The following MDGA2 variants were observed in gnomAD, a reference collection of about 807,000 sequenced individuals.
MDGA2 encodes the protein MAM domain containing glycosylphosphatidylinositol anchor 2.
In MDGA2, 40 loss-of-function variants were observed where a neutral mutation model predicts 117.8. The ratio of observed to expected loss-of-function variants is 0.34; its 90% CI spans 0.26 to 0.44. MDGA2 has a LOEUF of 0.44. MDGA2 is among the 20% of genes least tolerant of loss of function. The pLI is 1.00. For synonymous variants in MDGA2, 452 were observed against 439.0 expected, an observed-to-expected ratio of 1.03 and a Z score of -0.37; for missense variants, 1,123 against 1,250.6, an observed-to-expected ratio of 0.90 and a Z score of 1.54.
intron 5 of MDGA2, among the ~76,000 whole-genome samples, chr14:47,116,030 A>C (rs1566633301): frequency 6.6e-6 from 1 of 152,022 alleles, no homozygotes; most frequent in Admixed American, 6.6e-5. Flanking sequence ...ATTTATAGTA[A>C]GCCCTAAAAA....
intron 1 of MDGA2, among the ~76,000 whole-genome samples, chr14:47,572,407 T>C (rs946973107): frequency 6.6e-5 from 10 of 152,240 alleles, no homozygotes; most frequent in African/African-American, 2.2e-4. Flanking sequence ...TTTGGGATCA[T>C]GTTATTAATT....
At chr14:47,631,921 T>C (rs1159794512) in intron 1 of MDGA2, among the ~76,000 whole-genome samples, 1 of 142,116 alleles carries the variant, frequency 7.0e-6, no homozygotes, top group Non-Finnish European at 1.6e-5. Flanking sequence ...CATTACGAGA[T>C]TTTTTTAAGT....
chr14:47,086,408 G>C (rs1410640933), intron 6 of MDGA2, among the ~76,000 whole-genome samples: 2 of 152,038 alleles, frequency 1.3e-5, no homozygotes, highest in Non-Finnish European at 1.5e-5. Context: ...GGAGGAATTT[G>C]AACAGAATTC....
intron 2 of MDGA2, among the ~76,000 whole-genome samples, chr14:47,220,217 G>A (rs1326137958): frequency 1.3e-5 from 2 of 152,086 alleles, no homozygotes; most frequent in African/African-American, 2.4e-5. Context: ...CAAGTCACAT[G>A]CCTAACTGAT....
intron 8 of MDGA2, among the ~76,000 whole-genome samples, chr14:46,990,050 G>C (rs561231553): frequency 6.6e-6 from 1 of 152,072 alleles, no homozygotes. Context: ...ATGTTCCTAA[G>C]AGTTCATAGG....
At chr14:46,911,052 T>G (rs1343717362) in intron 10 of MDGA2, among the ~76,000 whole-genome samples, 1 of 152,094 alleles carries the variant, frequency 6.6e-6, no homozygotes, top group Non-Finnish European at 1.5e-5. Context: ...GGTACTAGGA[T>G]TAATACCTGG....
intron 10 of MDGA2, among the ~76,000 whole-genome samples, chr14:46,890,911 A>T (rs1882856171): frequency 6.6e-6 from 1 of 152,120 alleles, no homozygotes; most frequent in Non-Finnish European, 1.5e-5. Context: ...GGGTGTTATG[A>T]TAAAGTTAAA....
At chr14:46,866,667 T>C (rs1378451467) in intron 14 of MDGA2, among the ~76,000 whole-genome samples, 4 of 150,422 alleles carry the variant, frequency 2.7e-5, no homozygotes, top group Non-Finnish European at 5.9e-5. Flanking sequence ...ATATCCAGAA[T>C]CTACAATGAA....
rs903385230 is a variant in MDGA2, at chr14:47,386,138, C to T, written c.281-84588G>A. On this transcript the variant is annotated intron_variant, in intron 1 of 16. Coordinates refer to ENST00000399232, the MANE Select transcript of MDGA2 (RefSeq NM_001113498.3). ...CTCTACTAGAAATACAAAAATTAGC[C>T]GGGCATGGTGGGGGGCACCTGTAAT... Among the ~76,000 whole-genome samples, 9 of 151,908 alleles carry T rather than the reference C, an allele frequency of 5.9e-5. No homozygotes were observed. In the Middle Eastern group the frequency reaches 0.01, roughly 172 times the overall value.
chr14:47,572,820 A>G (rs887554529), intron 1 of MDGA2, among the ~76,000 whole-genome samples: 1 of 152,240 alleles, frequency 6.6e-6, no homozygotes, highest in Non-Finnish European at 1.5e-5. Context: ...TTCTGGCCTC[A>G]GCAGCACAAT....
chr14:47,258,812 A>T (rs1271289639), intron 2 of MDGA2, among the ~76,000 whole-genome samples: 3 of 150,400 alleles, frequency 2.0e-5, no homozygotes, highest in Non-Finnish European at 4.4e-5. Context: ...TATGCTGCTT[A>T]TTTTTTTTTC....
rs748391283 is a variant in MDGA2 at position 47,674,574 on chromosome 14, C to A, written c.223G>T (p.Gly75Cys). ...AGGACTGTCAGCAGCCACACGAGAC[C>A]GTACAGTAAATCCATCTTCACGTGA... The part of the protein sequence containing the change: ...HVHVKMDLLY[G>C]LVWLLTVLLE... Residue 75 changes from glycine (G) to cysteine (C), a missense_variant, in exon 1 of 17, where the codon GGT becomes TGT. This residue lies in a region of MDGA2 where 233 missense variants were observed against 200.3 expected (regional missense o/e 1.16). Coordinates refer to ENST00000399232, the MANE Select transcript of MDGA2 (RefSeq NM_001113498.3). 5.2e-6 allele frequency: 8 copies of A among 1,551,544 alleles called. No individual in the cohort carries two copies. The highest frequency in any genetic ancestry group is 7.0e-6 in the Non-Finnish European group (8 of 1,146,892).
At chr14:47,097,149 G>C (rs1256233111) in intron 5 of MDGA2, 26 bp from the exon 6 acceptor site, 1 of 1,602,820 alleles carries the variant, frequency 6.2e-7, no homozygotes, top group Non-Finnish European at 8.5e-7. Flanking sequence ...AGAAGAACGT[G>C]CACCTATTTA....
intron 1 of MDGA2, among the ~76,000 whole-genome samples, chr14:47,540,959 A>C (rs1303765807): frequency 6.6e-6 from 1 of 152,162 alleles, no homozygotes; most frequent in Non-Finnish European, 1.5e-5. Context: ...TCACTATATT[A>C]TATTTTATGT....
intron 1 of MDGA2, among the ~76,000 whole-genome samples, chr14:47,529,108 C>T (rs1895037865): frequency 6.6e-6 from 1 of 151,990 alleles, no homozygotes; most frequent in Admixed American, 6.6e-5. Context: ...ACACCATTCT[C>T]CTGTCTCAGC....
At chr14:46,914,587 C>T (rs1239163313) in intron 10 of MDGA2, among the ~76,000 whole-genome samples, 2 of 151,940 alleles carry the variant, frequency 1.3e-5, no homozygotes, top group African/African-American at 4.8e-5. Flanking sequence ...ATTTATCAAC[C>T]CCCTACATCT....
Position 47,290,750 on chromosome 14 carries a change from C to T in MDGA2, c.420+10661G>A, listed in dbSNP as rs968099563. On this transcript the variant is annotated intron_variant, in intron 2 of 16. Transcript: ENST00000399232. ...AAGGAGTTTATTTTGGGAAATAATCCCAGGGAAACCATGTAGAGGATTTAG... is the reference window on the plus strand; with the variant it reads ...AAGGAGTTTATTTTGGGAAATAATCTCAGGGAAACCATGTAGAGGATTTAG... Among the ~76,000 whole-genome samples, 3 of 151,114 alleles carry T rather than the reference C, an allele frequency of 2.0e-5. No homozygotes were observed. In the Admixed American group the frequency reaches 2.0e-4, roughly 10 times the overall value.
chr14:47,508,354 T>TCTCC (rs1894561998), intron 1 of MDGA2, among the ~76,000 whole-genome samples: 1 of 141,004 alleles, frequency 7.1e-6, no homozygotes, highest in Non-Finnish European at 1.5e-5. Context: ...GCTGATTGAC[T>TCTCC]CTCTCTCTCT....
At chr14:47,351,405 T>G (rs969978779) in intron 1 of MDGA2, among the ~76,000 whole-genome samples, 2 of 152,138 alleles carry the variant, frequency 1.3e-5, no homozygotes, top group Non-Finnish European at 2.9e-5. Flanking sequence ...AATTTCATGA[T>G]GGGCACCAAA....
Sources: allele counts gnomAD v4.1 joint callset (sites outside exome capture counted in the v4.1 genomes callset), GRCh38; gene constraint gnomAD v4.1.1; regional missense constraint gnomAD v4.1.1; transcripts MANE v1.5; gene names NCBI Gene and HGNC (gene_info 2026-07-23, HGNC 2026-07-21).